VTI1A: variants seen among roughly 807,000 people sequenced by gnomAD.
VTI1A encodes vesicle transport through interaction with t-SNAREs homolog 1A.
VTI1A carries 22 observed loss-of-function variants against 34.9 expected under a neutral mutation model. The observed-to-expected ratio is 0.63, with a 90% CI of 0.45 to 0.90. The LOEUF is 0.90. Ranked by LOEUF, VTI1A falls within the 40% of genes least tolerant of loss-of-function variation. VTI1A has a pLI of 0.00. For missense variants in VTI1A, 268 were observed against 275.6 expected (o/e 0.97, Z 0.20); for synonymous variants, 87 against 97.3 (o/e 0.89, Z 0.62).
At chr10:112,684,539 A>G (rs1848335081) in intron 7 of VTI1A, among the ~76,000 whole-genome samples, 1 of 151,506 alleles carries the variant, frequency 6.6e-6, no homozygotes, top group South Asian at 2.1e-4. Context: ...CCTGGGTTCA[A>G]GAGATTCTCC....
At chr10:112,745,697 A>G (rs1850873492) in intron 7 of VTI1A, among the ~76,000 whole-genome samples, 1 of 152,248 alleles carries the variant, frequency 6.6e-6, no homozygotes, top group East Asian at 1.9e-4. Context: ...AGGGAATAGT[A>G]GAAAGTCAGT....
At chr10:112,546,331 C>T (rs555394078) in intron 5 of VTI1A, among the ~76,000 whole-genome samples, 1 of 152,032 alleles carries the variant, frequency 6.6e-6, no homozygotes, top group Non-Finnish European at 1.5e-5. Flanking sequence ...CTTTGAGAAG[C>T]TGAGGTGGGA....
intron 7 of VTI1A, among the ~76,000 whole-genome samples, chr10:112,716,661 C>T (rs1354091917): frequency 6.6e-6 from 1 of 152,076 alleles, no homozygotes; most frequent in African/African-American, 2.4e-5. Flanking sequence ...ATTCAAAATG[C>T]CCCAAAATCC....
chr10:112,793,220 A>C (rs1340094572), intron 7 of VTI1A, among the ~76,000 whole-genome samples: 2 of 152,248 alleles, frequency 1.3e-5, no homozygotes, highest in Non-Finnish European at 2.9e-5. Context: ...GGCAGATATC[A>C]TAAGCAAATT....
intron 5 of VTI1A, among the ~76,000 whole-genome samples, chr10:112,578,165 C>T (rs775008655): frequency 6.6e-6 from 1 of 152,188 alleles, no homozygotes; most frequent in Non-Finnish European, 1.5e-5. Context: ...CTAAGGAAAG[C>T]ATTTCAGACA....
chr10:112,506,422 C>T (rs1259670744), intron 3 of VTI1A, among the ~76,000 whole-genome samples: 1 of 152,110 alleles, frequency 6.6e-6, no homozygotes, highest in Non-Finnish European at 1.5e-5. Flanking sequence ...AATACATCCC[C>T]CACAGATGAG....
intron 7 of VTI1A, among the ~76,000 whole-genome samples, chr10:112,765,072 A>G (rs1851599744): frequency 6.6e-6 from 1 of 152,246 alleles, no homozygotes; most frequent in East Asian, 1.9e-4. Context: ...CATCTTTGCT[A>G]ACTTGAGAAG....
chr10:112,491,573 C>T (rs375002011), intron 3 of VTI1A, among the ~76,000 whole-genome samples: 5 of 152,100 alleles, frequency 3.3e-5, no homozygotes, highest in South Asian at 4.1e-4. Context: ...ACAAAAGAGG[C>T]GAAATTGATT....
intron 3 of VTI1A, among the ~76,000 whole-genome samples, chr10:112,489,731 T>C (rs1848758302): frequency 6.6e-6 from 1 of 152,232 alleles, no homozygotes. Flanking sequence ...TCATATGCTG[T>C]GTCAAATATG....
At chr10:112,591,895 A>G (rs1844404270) in intron 5 of VTI1A, among the ~76,000 whole-genome samples, 1 of 152,222 alleles carries the variant, frequency 6.6e-6, no homozygotes, top group South Asian at 2.1e-4. Context: ...GCCTAATCCA[A>G]TCATGTTAGC....
At chr10:112,727,947 TAAG>T (rs1338625026) in intron 7 of VTI1A, among the ~76,000 whole-genome samples, 1 of 152,042 alleles carries the variant, frequency 6.6e-6, no homozygotes, top group Admixed American at 6.6e-5. Context: ...CCGACCAACT[TAAG>T]GAGGGGTTTA....
intron 5 of VTI1A, among the ~76,000 whole-genome samples, chr10:112,602,957 T>A (rs919644247): frequency 1.3e-5 from 2 of 152,226 alleles, no homozygotes; most frequent in Non-Finnish European, 2.9e-5. Context: ...TAATTTTTTT[T>A]AAACCCAGTG....
rs547044285 is a variant in VTI1A, at chr10:112,586,677, G to C, written c.427+48347G>C. On this transcript the variant is annotated intron_variant, in intron 5 of 7. Transcript: ENST00000393077. The stretch of plus-strand genomic sequence containing the variant: ...TTCCTGCTGCCTCTCTGTGTACCCC[G>C]CTGCCTCCTCTAGCCGATCTCCTTA... 2.1e-3 allele frequency among the ~76,000 whole-genome samples: 317 copies of C among 151,802 alleles called. 6 individuals are homozygous for C. The highest frequency in any genetic ancestry group is 0.02 in the Middle Eastern group (6 of 294).
chr10:112,497,254 G>T (rs1849060325), intron 3 of VTI1A, among the ~76,000 whole-genome samples: 1 of 151,908 alleles, frequency 6.6e-6, no homozygotes, highest in East Asian at 1.9e-4. Flanking sequence ...GGAGGTGGAG[G>T]TTGCAGTGAG....
chr10:112,683,685 C>T (rs886102801), intron 7 of VTI1A, among the ~76,000 whole-genome samples: 2 of 152,180 alleles, frequency 1.3e-5, no homozygotes, highest in Admixed American at 6.5e-5. Context: ...TTCCACATAG[C>T]CTTTGTGATT....
chr10:112,796,300 G>T (rs866450157), intron 7 of VTI1A, among the ~76,000 whole-genome samples: 5 of 151,872 alleles, frequency 3.3e-5, no homozygotes, highest in African/African-American at 1.2e-4. Context: ...CAGCTACTCG[G>T]GAGGCTGAGG....
At position 112,732,061 on chromosome 10, in the gene VTI1A, A is replaced by G. The variant is rs182823373; in HGVS notation, c.560+63063A>G. On this transcript the variant is annotated intron_variant, in intron 7 of 7. Transcript: ENST00000393077. ...TTTTTCAAGCTAATTAAAAGAATCC[A>G]TTCCCTAGGAGACTGTACAGCAACT... is the stretch of plus-strand genomic sequence containing the variant. 2.0e-3 allele frequency among the ~76,000 whole-genome samples: 303 copies of G among 152,264 alleles called. 1 individual carries two copies. Among genetic ancestry groups the G allele is most frequent in the African/African-American group, 7.1e-3 (297 of 41,560 alleles).
At chr10:112,483,819 G>A (rs144600854) in intron 3 of VTI1A, among the ~76,000 whole-genome samples, 1 of 151,970 alleles carries the variant, frequency 6.6e-6, no homozygotes, top group Non-Finnish European at 1.5e-5. Context: ...ACAATTAAAG[G>A]CATCTAATAG....
intron 3 of VTI1A, among the ~76,000 whole-genome samples, chr10:112,467,570 G>T (rs1171788989): frequency 6.6e-6 from 1 of 152,176 alleles, no homozygotes; most frequent in Non-Finnish European, 1.5e-5. Context: ...GCTGGCCATG[G>T]GTTGGACTAG....
Sources: gnomAD v4.1 joint callset for allele counts (sites outside exome capture counted in the v4.1 genomes callset) on GRCh38, gnomAD v4.1.1 for gene constraint, MANE v1.5 for transcripts, NCBI Gene and HGNC (gene_info 2026-07-23, HGNC 2026-07-21) for gene names.